Variants in ZFYVE28 observed in about 807,000 individuals in gnomAD.
The protein encoded by ZFYVE28 is zinc finger FYVE-type containing 28.
ZFYVE28 carries 40 observed loss-of-function variants against 82.1 expected under a neutral mutation model. The ratio of observed to expected loss-of-function variants is 0.49; its 90% confidence interval spans 0.38 to 0.63. The LOEUF is 0.63. Ranked by LOEUF, ZFYVE28 falls within the 30% of genes least tolerant of loss-of-function variation. ZFYVE28 has a pLI of 0.00. For missense variants in ZFYVE28, 1,321 were observed against 1,242.1 expected (o/e 1.06, Z -0.96); for synonymous variants, 612 against 546.1 (o/e 1.12, Z -1.68).
chr4:2,401,523 G>C (rs886568457), intron 1 of ZFYVE28, among the ~76,000 whole-genome samples: 2 of 152,180 alleles, frequency 1.3e-5, no homozygotes, highest in Admixed American at 1.3e-4. Context: ...GACACCAGAC[G>C]GTGCTACCTG....
At chr4:2,382,344 T>C (rs916089523) in intron 1 of ZFYVE28, among the ~76,000 whole-genome samples, 1 of 152,166 alleles carries the variant, frequency 6.6e-6, no homozygotes, top group African/African-American at 2.4e-5. Context: ...GGAAAAGCTG[T>C]AGACACTCAA....
At position 2,270,822 on chromosome 4, in the gene ZFYVE28, G is replaced by T. The variant is rs541967359; in HGVS notation, c.2567C>A (p.Pro856Gln). ...CTTCACCTGCCCGTAGCGGGGCAGC[G>T]GTGCTGAGTGCGAGGAGCAGCGCGA... ...FCSRCSSHSA[P>Q]LPRYGQVKPV... The change falls in exon 13 of 13, where the codon CCG becomes CAG. Residue 856 changes from proline to glutamine, a missense_variant. Physicochemically the swap from Pro to Gln is moderately conservative, Grantham distance 76. Coordinates refer to ENST00000290974, the MANE Select transcript of ZFYVE28 (RefSeq NM_020972.3). The T allele has an allele frequency of 1.2e-6, 2 of 1,612,914 alleles. No homozygotes were observed. Among genetic ancestry groups the T allele is most frequent in the Admixed American group, 1.7e-5 (1 of 59,998 alleles).
intron 1 of ZFYVE28, among the ~76,000 whole-genome samples, chr4:2,361,725 T>A (rs1452785114): frequency 6.6e-6 from 1 of 152,166 alleles, no homozygotes; most frequent in Non-Finnish European, 1.5e-5. Flanking sequence ...CAGGTGTCAC[T>A]AGGACTCTCT....
intron 1 of ZFYVE28, chr4:2,365,014 G>C (rs1009606039): frequency 5.9e-5 from 32 of 541,644 alleles, no homozygotes; most frequent in Non-Finnish European, 6.8e-5. Context: ...GTCAGGCCCC[G>C]CACGCGGAAG....
intron 6 of ZFYVE28, chr4:2,331,062 C>A: frequency 9.3e-7 from 1 of 1,077,096 alleles, no homozygotes; most frequent in Non-Finnish European, 1.2e-6. Flanking sequence ...GGGAGGAAGG[C>A]AGGGGTAGAC....
intron 6 of ZFYVE28, among the ~76,000 whole-genome samples, chr4:2,331,302 C>T (rs1720671281): frequency 6.6e-6 from 1 of 151,922 alleles, no homozygotes; most frequent in Non-Finnish European, 1.5e-5. Flanking sequence ...GGGAAGTGAC[C>T]ACTGGGTCTA....
chr4:2,384,372 G>A (rs1199812788), intron 1 of ZFYVE28, among the ~76,000 whole-genome samples: 3 of 152,336 alleles, frequency 2.0e-5, no homozygotes, highest in African/African-American at 2.4e-5. Context: ...GTGACCACCC[G>A]CCAAGGGAGT....
chr4:2,310,188 A>G (rs1339957436), intron 7 of ZFYVE28, among the ~76,000 whole-genome samples: 2 of 152,032 alleles, frequency 1.3e-5, no homozygotes, highest in Admixed American at 6.6e-5. Flanking sequence ...ACAGATGTGT[A>G]CCACCATGCT....
chr4:2,304,236 G>GC (rs542473592), intron 8 of ZFYVE28, 53 bp downstream of exon 8: 51 of 1,501,368 alleles, frequency 3.4e-5, no homozygotes, highest in Non-Finnish European at 4.3e-5. Context: ...GCCAGCACCT[G>GC]CCCCCCAGTG....
At chr4:2,400,439 A>C (rs1189631779) in intron 1 of ZFYVE28, among the ~76,000 whole-genome samples, 1 of 139,252 alleles carries the variant, frequency 7.2e-6, no homozygotes, top group African/African-American at 2.7e-5. Flanking sequence ...GTCCCACCGC[A>C]ATTCGACAGT....
intron 10 of ZFYVE28, among the ~76,000 whole-genome samples, chr4:2,272,494 G>A (rs975941826): frequency 6.6e-6 from 1 of 152,174 alleles, no homozygotes; most frequent in South Asian, 2.1e-4. Context: ...ATGTGCGCAC[G>A]TGTGAGTGGG....
At chr4:2,377,087 T>C (rs1054967432) in intron 1 of ZFYVE28, among the ~76,000 whole-genome samples, 10 of 151,804 alleles carry the variant, frequency 6.6e-5, no homozygotes, top group African/African-American at 2.4e-4. Flanking sequence ...AGTGGCGCGA[T>C]CTTGGCTCAC....
chr4:2,298,820 C>T (rs1272821705), intron 8 of ZFYVE28, among the ~76,000 whole-genome samples: 12 of 152,322 alleles, frequency 7.9e-5, no homozygotes, highest in East Asian at 3.9e-4. Context: ...CCACAGCCTC[C>T]GTCAGTCCCA....
intron 1 of ZFYVE28, among the ~76,000 whole-genome samples, chr4:2,383,301 T>C (rs1386879746): frequency 1.3e-5 from 2 of 152,120 alleles, no homozygotes; most frequent in East Asian, 1.9e-4. Flanking sequence ...ACTGTTCTCA[T>C]GGTGGTGACT....
In ZFYVE28 at chr4:2,331,477, A is replaced by G. The variant is rs76715897; in HGVS notation, c.701+4228T>C. Among the ~76,000 whole-genome samples the G allele has an allele frequency of 8.2e-4, 123 of 149,942 alleles. 1 individual carries two copies. The highest frequency in any genetic ancestry group is 3.4e-3 in the Middle Eastern group (1 of 290). On this transcript the variant is annotated intron_variant, in intron 6 of 12. Transcript: ENST00000290974. The stretch of plus-strand genomic sequence containing the variant: ...GACAACACAGCAAGACCCTGTCTCT[A>G]TTTTTTTTTTAATTAAAAAATAAAA...
intron 8 of ZFYVE28, among the ~76,000 whole-genome samples, chr4:2,284,647 G>A (rs999503416): frequency 2.6e-5 from 4 of 152,320 alleles, no homozygotes; most frequent in East Asian, 1.9e-4. Flanking sequence ...GTTGGAGCCT[G>A]CTGGGACATC....
chr4:2,343,134 C>A (rs1723051646), intron 2 of ZFYVE28: 1 of 152,182 alleles, frequency 6.6e-6, no homozygotes, highest in Admixed American at 6.5e-5. Context: ...CACCTCCACG[C>A]AATGCTGCCC....
rs754719063 is a variant in ZFYVE28 at position 2,394,225 on chromosome 4, G to A, written c.39+24060C>T. Among the ~76,000 whole-genome samples the A allele has an allele frequency of 6.6e-6, 1 of 152,178 alleles. No individual in the cohort carries two copies. Among genetic ancestry groups the A allele is most frequent in the Non-Finnish European group, 1.5e-5 (1 of 68,038 alleles). ...TCATGATCGGAAGGTCAACTGACGAGCAGGCGTAGTTCCATCTTTAACCTT... is the reference window on the plus strand; with the variant it reads ...TCATGATCGGAAGGTCAACTGACGAACAGGCGTAGTTCCATCTTTAACCTT... On this transcript the variant is annotated intron_variant, in intron 1 of 12. Coordinates refer to ENST00000290974, the MANE Select transcript of ZFYVE28 (RefSeq NM_020972.3). The surrounding 1 kb of genome is among the most constrained non-coding windows in gnomAD (Gnocchi z 4.0).
rs368271830 is a variant in ZFYVE28 at position 2,377,077 on chromosome 4, A to G, written c.40-23004T>C. Among the ~76,000 whole-genome samples the G allele has an allele frequency of 4.0e-5, 6 of 150,258 alleles. No individual in the cohort carries two copies. The East Asian group carries it at 1.2e-3, about 30-fold the overall frequency. ...CGCTCTGTCACCCAGGCTGGAGTGC[A>G]GTGGCGCGATCTTGGCTCACTGCAA... is the stretch of plus-strand genomic sequence containing the variant. On this transcript the variant is annotated intron_variant, in intron 1 of 12. Coordinates refer to ENST00000290974, the MANE Select transcript of ZFYVE28 (RefSeq NM_020972.3).
Sources: allele counts gnomAD v4.1 joint callset (sites outside exome capture counted in the v4.1 genomes callset), GRCh38; gene constraint gnomAD v4.1.1; non-coding constraint Gnocchi (gnomAD v3.1); transcripts MANE v1.5; gene names NCBI Gene and HGNC (gene_info 2026-07-23, HGNC 2026-07-21).